DUSP11: variants seen among roughly 807,000 people sequenced by gnomAD.
DUSP11 encodes the protein dual specificity phosphatase 11, also known as RNA/RNP complex-1-interacting phosphatase.
Under a neutral mutation model 41.4 loss-of-function variants are expected in DUSP11, and 27 were observed. The ratio of observed to expected loss-of-function variants is 0.65; its 90% confidence interval spans 0.48 to 0.90. The LOEUF (loss-of-function observed/expected upper bound fraction) is 0.90. Ranked by LOEUF, DUSP11 falls within the 40% of genes least tolerant of loss-of-function variation. The pLI, the probability that DUSP11 is intolerant of heterozygous loss-of-function variation, is 0.00. For synonymous variants in DUSP11, 188 were observed against 159.3 expected (o/e 1.18, Z -1.35); for missense variants, 465 against 461.1 (o/e 1.01, Z -0.08).
intron 1 of DUSP11, chr2:73,779,584 A>G (rs1231437954): frequency 4.4e-6 from 2 of 451,456 alleles, no homozygotes; most frequent in East Asian, 8.0e-5. Flanking sequence ...TTGGGAATTA[A>G]GGAGTGTCCC....
intron 1 of DUSP11, among the ~76,000 whole-genome samples, chr2:73,778,966 G>A (rs1303044940): frequency 6.6e-6 from 1 of 152,032 alleles, no homozygotes; most frequent in Non-Finnish European, 1.5e-5. Context: ...TGACCCACAT[G>A]GTGAAACCCC....
At chr2:73,778,078 CTTTTA>C (rs1454343447) in intron 2 of DUSP11, among the ~76,000 whole-genome samples, 1 of 151,620 alleles carries the variant, frequency 6.6e-6, no homozygotes, top group Non-Finnish European at 1.5e-5. Flanking sequence ...TTATAAATTA[CTTTTA>C]TTTTATTTTT....
intron 4 of DUSP11, among the ~76,000 whole-genome samples, chr2:73,772,573 T>C (rs1672604883): frequency 1.3e-5 from 2 of 152,206 alleles, no homozygotes; most frequent in Admixed American, 6.5e-5. Flanking sequence ...ACAGAACAGA[T>C]GAAGTGCTAT....
At chr2:73,763,821 T>A (rs1479897091) in intron 8 of DUSP11, among the ~76,000 whole-genome samples, 1 of 152,244 alleles carries the variant, frequency 6.6e-6, no homozygotes, top group African/African-American at 2.4e-5. Flanking sequence ...TAGTTAGTAT[T>A]TCCTTTTGTT....
chr2:73,770,681 T>G (rs778160398), intron 4 of DUSP11, among the ~76,000 whole-genome samples: 1 of 152,184 alleles, frequency 6.6e-6, no homozygotes, highest in Non-Finnish European at 1.5e-5. Flanking sequence ...AATCTCAATT[T>G]AGCATAGCAT....
intron 1 of DUSP11, among the ~76,000 whole-genome samples, chr2:73,779,066 G>A (rs1191163568): frequency 6.6e-6 from 1 of 152,166 alleles, no homozygotes; most frequent in Non-Finnish European, 1.5e-5. Flanking sequence ...GAGGAGAATC[G>A]CTTGAATCCG....
rs199708260 is a variant in DUSP11 at position 73,779,861 on chromosome 2, C to A, written c.242+13G>T. The A allele has an allele frequency of 6.2e-7, 1 of 1,613,994 alleles. No individual in the cohort carries two copies. Among genetic ancestry groups the A allele is most frequent in the Admixed American group, 1.7e-5 (1 of 60,006 alleles). ...AGCTGGAAAGGCCACGCCAAGGGAC[C>A]AAGACATACTACCTTTCGGGGATGT... On this transcript the variant is annotated intron_variant, in intron 1 of 8. Coordinates refer to ENST00000272444, the Ensembl canonical transcript of DUSP11.
intron 8 of DUSP11, among the ~76,000 whole-genome samples, chr2:73,764,630 G>C (rs1240376785): frequency 2.0e-5 from 3 of 152,180 alleles, no homozygotes; most frequent in South Asian, 2.1e-4. Context: ...TGCAAATCCA[G>C]GTCCAGCCTG....
At chr2:73,777,004 AGG>A (rs1344247505) in intron 2 of DUSP11, among the ~76,000 whole-genome samples, 2 of 152,184 alleles carry the variant, frequency 1.3e-5, no homozygotes, top group Non-Finnish European at 2.9e-5. Context: ...TTTTGGAGAC[AGG>A]GTCTTGCTCT....
At chr2:73,774,028 TA>T (rs1672634357) in intron 3 of DUSP11, 105 bp from the exon 4 acceptor site, 7 of 966,596 alleles carry the variant, frequency 7.2e-6, no homozygotes, top group Non-Finnish European at 1.0e-5. Flanking sequence ...ATAACAAACT[TA>T]ATATGCCAAT....
intron 8 of DUSP11, 130 bp downstream of exon 8, chr2:73,766,288 G>C (rs1350267252): frequency 1.2e-6 from 1 of 838,958 alleles, no homozygotes; most frequent in African/African-American, 1.8e-5. Context: ...CAGCCTGGAT[G>C]ACAGAGCGAG....
intron 4 of DUSP11, among the ~76,000 whole-genome samples, 188 bp from the exon 5 acceptor site, chr2:73,769,513 A>G (rs1202740815): frequency 1.3e-5 from 2 of 152,364 alleles, no homozygotes; most frequent in African/African-American, 2.4e-5. Context: ...AATTAGACTC[A>G]GTGATGTAAA....
chr2:73,771,810 CTATAAT>C, intron 4 of DUSP11, among the ~76,000 whole-genome samples: 2 of 128,014 alleles, frequency 1.6e-5, no homozygotes, highest in African/African-American at 2.9e-5. Context: ...CTTTTTTGTT[CTATAAT>C]TAACCCACAT....
At chr2:73,774,331 C>T (rs184337657) in intron 3 of DUSP11, among the ~76,000 whole-genome samples, 38 of 152,192 alleles carry the variant, frequency 2.5e-4, no homozygotes, top group African/African-American at 8.2e-4. Context: ...GAGGGAATTC[C>T]AGGCACTATT....
chr2:73,766,914 G>A lies in DUSP11; in HGVS notation c.683-11C>T. ...GGCACCTATTGAATACTGAGGAGAG[G>A]ATAAACTGTTAGAAATAACTGTACA... On this transcript the variant is annotated splice_polypyrimidine_tract_variant and intron_variant, in intron 6 of 8. Transcript: ENST00000272444. 1 of 1,602,792 alleles carries A rather than the reference G, an allele frequency of 6.2e-7. No homozygotes were observed. Among genetic ancestry groups the A allele is most frequent in the South Asian group, 1.1e-5 (1 of 89,120 alleles).
At chr2:73,779,767 G>C in intron 1 of DUSP11, 107 bp downstream of exon 1, 1 of 1,534,880 alleles carries the variant, frequency 6.5e-7, no homozygotes, top group East Asian at 2.3e-5. Flanking sequence ...CGGCGGACAA[G>C]TCAAGCTTGC....
chr2:73,766,817 A>T lies in DUSP11; in HGVS notation c.758+11T>A, dbSNP rs200079097. On this transcript the variant is annotated intron_variant, in intron 7 of 8. Coordinates refer to ENST00000272444, the Ensembl canonical transcript of DUSP11. ...GACCCACAAATCTCACATATATAACATAAGACTTACTTTCTGATAGGACCA... is the reference window on the plus strand; with the variant it reads ...GACCCACAAATCTCACATATATAACTTAAGACTTACTTTCTGATAGGACCA... 10 of 1,599,598 alleles carry T rather than the reference A, an allele frequency of 6.3e-6. No individual in the cohort carries two copies. Among genetic ancestry groups the T allele is most frequent in the African/African-American group, 1.3e-5 (1 of 74,578 alleles).
At chr2:73,772,781 G>A (rs781745543) in intron 4 of DUSP11, among the ~76,000 whole-genome samples, 4 of 152,202 alleles carry the variant, frequency 2.6e-5, no homozygotes, top group Non-Finnish European at 4.4e-5. Flanking sequence ...CACATTAAGT[G>A]AGCGACTAGG....
intron 8 of DUSP11, 76 bp downstream of exon 8, chr2:73,766,342 T>C: frequency 7.8e-7 from 1 of 1,274,848 alleles, no homozygotes; most frequent in Non-Finnish European, 1.1e-6. Flanking sequence ...TCCTCATCAG[T>C]ATCATAATGT....
Sources: gnomAD v4.1 joint callset for allele counts (sites outside exome capture counted in the v4.1 genomes callset) on GRCh38, gnomAD v4.1.1 for gene constraint, MANE v1.5 for transcripts, NCBI Gene and HGNC (gene_info 2026-07-23, HGNC 2026-07-21) for gene names.